GARNL3: variants seen among roughly 807,000 people sequenced by gnomAD.
GARNL3 encodes GTPase-activating Rap/Ran-GAP domain-like protein 3.
A neutral mutation model predicts 125.0 loss-of-function variants in GARNL3; 63 were observed. The observed-to-expected ratio is 0.50, with a 90% CI of 0.41 to 0.62. The LOEUF (loss-of-function observed/expected upper bound fraction) is 0.62. Ranked by LOEUF, GARNL3 falls within the 20% of genes least tolerant of loss-of-function variation. GARNL3 has a pLI of 0.00. For synonymous variants in GARNL3, 439 were observed against 457.5 expected (o/e 0.96, Z 0.52); for missense variants, 994 against 1,244.0 (o/e 0.80, Z 3.02).
chr9:127,231,731 A>G (rs1015614155), intron 1 of GARNL3, among the ~76,000 whole-genome samples: 2 of 152,182 alleles, frequency 1.3e-5, no homozygotes, highest in Non-Finnish European at 2.9e-5. Flanking sequence ...CTCACCCCAA[A>G]TCTACTTAGT....
Position 127,336,233 on chromosome 9 carries a change from A to G in GARNL3, c.979A>G (p.Thr327Ala). ...FKPSMIRSHF[T>A]HIFALVRYNQ... Reference sequence around the variant, plus strand: ...GCCTTCCATGATCCGCTCCCACTTTACACGTATCCTGGGCCTTTGTAAATG... The same window carrying G: ...GCCTTCCATGATCCGCTCCCACTTTGCACGTATCCTGGGCCTTTGTAAATG... Residue 327 changes from threonine to alanine, a missense_variant, in exon 11 of 28, where the codon ACA becomes GCA. By Grantham distance (58) the Thr-to-Ala change is moderately conservative. Coordinates refer to ENST00000373387, the MANE Select transcript of GARNL3 (RefSeq NM_032293.5). The G allele has an allele frequency of 1.2e-6, 2 of 1,607,656 alleles. No individual in the cohort carries two copies. Among genetic ancestry groups the G allele is most frequent in the Non-Finnish European group, 8.5e-7 (1 of 1,174,288 alleles).
chr9:127,378,517 G>T (rs1027880935), intron 22 of GARNL3, among the ~76,000 whole-genome samples: 3 of 150,886 alleles, frequency 2.0e-5, no homozygotes, highest in African/African-American at 7.3e-5. Flanking sequence ...AACCCAGGAG[G>T]CGGAGGTTGT....
At chr9:127,312,939 G>A (rs2065134557) in intron 3 of GARNL3, among the ~76,000 whole-genome samples, 1 of 152,204 alleles carries the variant, frequency 6.6e-6, no homozygotes, top group Non-Finnish European at 1.5e-5. Context: ...GGCACAAACA[G>A]TAAAGGATAT....
At position 127,280,555 on chromosome 9, in the gene GARNL3, A is replaced by G. The variant is rs1273248074; in HGVS notation, c.145-10613A>G. ...TTGTTCTGTTCCAAGCAACAAAGCC[A>G]GACACCAAATACGTTTCTCGATTCT... On this transcript the variant is annotated intron_variant, in intron 1 of 27. Coordinates refer to ENST00000373387, the MANE Select transcript of GARNL3 (RefSeq NM_032293.5). The surrounding 1 kb of genome is among the most constrained non-coding windows in gnomAD (Gnocchi z 4.5). Among the ~76,000 whole-genome samples the G allele has an allele frequency of 6.6e-6, 1 of 152,268 alleles. No homozygotes were observed. The highest frequency in any genetic ancestry group is 1.5e-5 in the Non-Finnish European group (1 of 68,052).
chr9:127,391,610 A>G (rs149652136), intron 27 of GARNL3, among the ~76,000 whole-genome samples: 1 of 143,136 alleles, frequency 7.0e-6, no homozygotes, highest in East Asian at 2.0e-4. Context: ...TAAGGTAGAA[A>G]GATCACCTTC....
rs1161629810 is a variant in GARNL3, at chr9:127,231,050, A to ATATATTTTTTT, written c.-29+6713_-29+6714insATATTTTTTTT. Among the ~76,000 whole-genome samples, 6 of 89,546 alleles carry ATATATTTTTTT rather than the reference A, an allele frequency of 6.7e-5. 1 individual carries two copies. The highest frequency in any genetic ancestry group is 4.8e-4 in the African/African-American group (6 of 12,592). 58.7% of individuals were successfully genotyped at this position (89,546 alleles called of 152,430 possible). On this transcript the variant is annotated intron_variant, in intron 1 of 10. Transcript: ENST00000439286. ...TGTATATATACATATATATATATAT[A>ATATATTTTTTT]TTTTTTTTTTTTTTTTTTTTTTGAG...
chr9:127,286,529 T>A (rs1176655774), intron 1 of GARNL3, among the ~76,000 whole-genome samples: 3 of 152,244 alleles, frequency 2.0e-5, no homozygotes, highest in Non-Finnish European at 2.9e-5. Context: ...TTTCCTCTAT[T>A]TGTCTCAAAC....
In GARNL3 at chr9:127,242,832, C is replaced by A. The variant is rs1257453705; in HGVS notation, c.-28-247C>A. On this transcript the variant is annotated intron_variant, in intron 1 of 10. Transcript: ENST00000439286. The surrounding 1 kb of genome is among the most constrained non-coding windows in gnomAD (Gnocchi z 4.6). ...TCACTGGGCCTCCTTTTACTTTATACTCCGCGGACTTAACTGATTGCTGAG... is the reference window on the plus strand; with the variant it reads ...TCACTGGGCCTCCTTTTACTTTATAATCCGCGGACTTAACTGATTGCTGAG... Among the ~76,000 whole-genome samples, 2 of 152,120 alleles carry A rather than the reference C, an allele frequency of 1.3e-5. No homozygotes were observed. The highest frequency in any genetic ancestry group is 2.9e-5 in the Non-Finnish European group (2 of 68,038).
chr9:127,226,355 C>T (rs917880940), intron 1 of GARNL3, among the ~76,000 whole-genome samples: 2 of 152,256 alleles, frequency 1.3e-5, no homozygotes, highest in Non-Finnish European at 2.9e-5. Flanking sequence ...TCCCTCCATC[C>T]TCAGTTCTTG....
chr9:127,329,345 T>C (rs547849938), intron 7 of GARNL3, among the ~76,000 whole-genome samples: 3 of 152,126 alleles, frequency 2.0e-5, no homozygotes, highest in Admixed American at 6.5e-5. Context: ...AAAACAGATA[T>C]AAGCTAGGGC....
chr9:127,367,795 C>T (rs1040500247), intron 22 of GARNL3, among the ~76,000 whole-genome samples: 1 of 152,078 alleles, frequency 6.6e-6, no homozygotes, highest in Admixed American at 6.6e-5. Flanking sequence ...TTGATGCGAT[C>T]ATATTTAACC....
At chr9:127,262,281 A>G (rs1190891851), upstream of GARNL3, among the ~76,000 whole-genome samples, 1 of 152,182 alleles carries the variant, frequency 6.6e-6, no homozygotes, top group Non-Finnish European at 1.5e-5. Context: ...ATCATATTCT[A>G]GTACAGATGT....
chr9:127,285,987 T>C (rs1436016221), intron 1 of GARNL3, among the ~76,000 whole-genome samples: 1 of 147,436 alleles, frequency 6.8e-6, no homozygotes, highest in Admixed American at 7.0e-5. Flanking sequence ...TGTTTACCTT[T>C]AGGAGAAGTT....
intron 22 of GARNL3, among the ~76,000 whole-genome samples, chr9:127,376,179 C>G (rs1033130332): frequency 3.3e-5 from 5 of 152,130 alleles, no homozygotes; most frequent in African/African-American, 1.2e-4. Flanking sequence ...AGGCTGGTCT[C>G]GAACTCCTGA....
chr9:127,226,069 A>C (rs924000496), intron 1 of GARNL3, among the ~76,000 whole-genome samples: 2 of 152,034 alleles, frequency 1.3e-5, no homozygotes, highest in Admixed American at 1.3e-4. Context: ...TCTCAGCCAC[A>C]CTTCCCATCT....
intron 14 of GARNL3, 80 bp downstream of exon 14, chr9:127,342,414 C>A: frequency 2.1e-6 from 2 of 949,090 alleles, no homozygotes; most frequent in Non-Finnish European, 3.4e-6. Context: ...GCGATGAGGC[C>A]CTGGTGAGAA....
At chr9:127,298,131 G>T (rs191930810) in intron 2 of GARNL3, among the ~76,000 whole-genome samples, 12 of 152,180 alleles carry the variant, frequency 7.9e-5, no homozygotes, top group African/African-American at 2.7e-4. Flanking sequence ...TCTGGGGTCT[G>T]CCCCAACTTG....
At chr9:127,276,426 T>C (rs1418687319) in intron 1 of GARNL3, among the ~76,000 whole-genome samples, 2 of 152,158 alleles carry the variant, frequency 1.3e-5, no homozygotes, top group East Asian at 1.9e-4. Context: ...CCTTAAATTT[T>C]GGTGCTCTTC....
At chr9:127,265,584 A>T (rs1028799347) in intron 1 of GARNL3, among the ~76,000 whole-genome samples, 1 of 152,188 alleles carries the variant, frequency 6.6e-6, no homozygotes, top group African/African-American at 2.4e-5. Flanking sequence ...TATGATTTTT[A>T]AAATTTGTGT....
Sources: allele counts gnomAD v4.1 joint callset (sites outside exome capture counted in the v4.1 genomes callset), GRCh38; gene constraint gnomAD v4.1.1; non-coding constraint Gnocchi (gnomAD v3.1); transcripts MANE v1.5; gene names NCBI Gene and HGNC (gene_info 2026-07-23, HGNC 2026-07-21).